The following ZNF114 variants were observed in gnomAD, a reference collection of about 807,000 sequenced individuals.
The protein encoded by ZNF114 is zinc finger protein 114 (Y18).
In ZNF114, 8 loss-of-function variants were observed where a neutral mutation model predicts 6.8. The observed-to-expected ratio is 1.18, with a 90% confidence interval of 0.69 to 2.13. The LOEUF (loss-of-function observed/expected upper bound fraction) is 2.13. Among genes scored for constraint, ZNF114 ranks in the 30% most tolerant of loss-of-function variants. The probability of loss-of-function intolerance (pLI) is 0.00; values close to 1 mark genes in which losing one functional copy is unlikely to be tolerated. For synonymous variants in ZNF114, 169 were observed against 185.5 expected (o/e 0.91, Z 0.72); for missense variants, 472 against 519.5 (o/e 0.91, Z 0.89).
In ZNF114 at chr19:48,286,058, C is replaced by G; in HGVS notation, c.434C>G (p.Ser145Cys). Reference protein sequence around the residue: ...TCRLVPSQGDSIRQCILTRDS... With the variant: ...TCRLVPSQGDCIRQCILTRDS... ...AGGCTTGTGCCTTCACAGGGAGATT[C>G]CATAAGACAATGTATCCTAACACGT... The change falls in exon 6 of 6, where the codon TCC (serine) becomes TGC (cysteine). Residue 145 changes from serine (S) to cysteine (C), a missense_variant. Transcript: ENST00000595607. 1 of 1,613,998 alleles carries G rather than the reference C, an allele frequency of 6.2e-7. No individual in the cohort carries two copies. The highest frequency in any genetic ancestry group is 2.2e-5 in the East Asian group (1 of 44,890).
chr19:48,282,928 C>T (rs1968029931), intron 5 of ZNF114, among the ~76,000 whole-genome samples: 1 of 152,020 alleles, frequency 6.6e-6, no homozygotes, highest in African/African-American at 2.4e-5. Flanking sequence ...GTTGGCTAGG[C>T]TTGTCTTGAA....
chr19:48,275,419 AACACACAC>A (rs58275965), intron 3 of ZNF114, among the ~76,000 whole-genome samples: 24 of 133,198 alleles, frequency 1.8e-4, no homozygotes, highest in South Asian at 1.5e-3. Flanking sequence ...TCTCTACTAA[AACACACAC>A]ACACACACAC....
intron 5 of ZNF114, among the ~76,000 whole-genome samples, chr19:48,284,416 AT>A (rs34430413): frequency 0.034 from 5,075 of 151,094 alleles, 162 homozygotes; most frequent in Middle Eastern, 0.13. Flanking sequence ...TTTAAAAACA[AT>A]TTTTTTTTAA....
chr19:48,272,494 TGAGGCAG>T (rs1029692784), intron 3 of ZNF114, among the ~76,000 whole-genome samples: 12 of 149,050 alleles, frequency 8.1e-5, no homozygotes, highest in Non-Finnish European at 1.6e-4. Flanking sequence ...CACGGGAGGC[TGAGGCAG>T]GAGAATCGCT....
intron 3 of ZNF114, among the ~76,000 whole-genome samples, chr19:48,277,724 G>T (rs184601642): frequency 3.3e-5 from 5 of 151,098 alleles, no homozygotes; most frequent in Admixed American, 3.3e-4. Flanking sequence ...GTTTCCGAGG[G>T]TGTTCATTGC....
chr19:48,277,530 C>A (rs1268281586), intron 3 of ZNF114, among the ~76,000 whole-genome samples: 1 of 151,964 alleles, frequency 6.6e-6, no homozygotes, highest in Non-Finnish European at 1.5e-5. Context: ...TCATTATGAG[C>A]GCAGGTATTT....
chr19:48,281,898 T>G (rs1325252165), intron 4 of ZNF114, among the ~76,000 whole-genome samples: 2 of 130,730 alleles, frequency 1.5e-5, no homozygotes, highest in African/African-American at 6.4e-5. Context: ...CCTCATCTTT[T>G]TTTTTTTTTT....
chr19:48,278,336 C>T (rs1419967682), intron 3 of ZNF114, among the ~76,000 whole-genome samples: 1 of 152,214 alleles, frequency 6.6e-6, no homozygotes, highest in African/African-American at 2.4e-5. Context: ...CTGAAAGAAG[C>T]CCTGTATCCT....
At chr19:48,284,782 T>C (rs762950402) in intron 5 of ZNF114, among the ~76,000 whole-genome samples, 10 of 152,162 alleles carry the variant, frequency 6.6e-5, no homozygotes, top group Non-Finnish European at 1.5e-4. Flanking sequence ...CATTTTTCCC[T>C]GCTAAAGGCC....
At chr19:48,281,683 C>G (rs887695894) in intron 4 of ZNF114, 13 of 151,024 alleles carry the variant, frequency 8.6e-5, no homozygotes, top group African/African-American at 3.2e-4. Context: ...CCCGCCCACA[C>G]TCACGGGTAA....
Position 48,283,205 on chromosome 19 carries a change from C to T in ZNF114, c.136+708C>T, listed in dbSNP as rs962431854. On this transcript the variant is annotated intron_variant, in intron 5 of 5. Transcript: ENST00000595607. ...TAATGCATTACATTTTTATTCTCTT[C>T]GTGATTGAACAGAATTTGGGGGATC... Among the ~76,000 whole-genome samples, 8 of 152,176 alleles carry T rather than the reference C, an allele frequency of 5.3e-5. No homozygotes were observed. In the South Asian group the frequency reaches 1.0e-3, roughly 20 times the overall value.
Position 48,286,458 on chromosome 19 carries a change from T to C in ZNF114, c.834T>C (p.Asp278=), listed in dbSNP as rs1968133473. The C allele has an allele frequency of 1.2e-6, 2 of 1,614,150 alleles. No individual in the cohort carries two copies. The highest frequency in any genetic ancestry group is 1.7e-6 in the Non-Finnish European group (2 of 1,180,034). The change falls in exon 6 of 6, where the codon GAT becomes GAC. Residue 278 remains aspartate (D), a synonymous_variant. Transcript: ENST00000595607. ...ATACCGCAGAGACAAACAAGAAGGA[T>C]TGTCAAACTGGGGCAACCTCTGCCA... ...QLYTAETNKK[D]CQTGATSANA...
At chr19:48,277,613 T>C (rs2147286958) in intron 3 of ZNF114, among the ~76,000 whole-genome samples, 1 of 152,324 alleles carries the variant, frequency 6.6e-6, no homozygotes, top group African/African-American at 2.4e-5. Flanking sequence ...GGGAGACGTT[T>C]CCAGCCGCTG....
rs1273957529 is a variant in ZNF114, at chr19:48,286,015, C to G, written c.391C>G (p.His131Asp). The change falls in exon 6 of 6, where the codon CAC becomes GAC. Residue 131 changes from histidine (H) to aspartate (D), a missense_variant. Physicochemically the swap from His to Asp is moderately conservative, Grantham distance 81 (BLOSUM62 -1). Transcript: ENST00000595607. ...TTGTGAAGATCATGAAATGAGGAACCACTCTAAACCTACCTGCAGGCTTGT... is the reference window on the plus strand; with the variant it reads ...TTGTGAAGATCATGAAATGAGGAACGACTCTAAACCTACCTGCAGGCTTGT... ...SICEDHEMRNHSKPTCRLVPS... is the reference protein window; with the variant it reads ...SICEDHEMRNDSKPTCRLVPS... 1.2e-6 allele frequency: 2 copies of G among 1,613,760 alleles called. No homozygotes were observed. The highest frequency in any genetic ancestry group is 2.7e-5 in the African/African-American group (2 of 74,912).
chr19:48,276,161 C>A (rs1273903656), intron 3 of ZNF114, among the ~76,000 whole-genome samples: 2 of 145,588 alleles, frequency 1.4e-5, no homozygotes, highest in Admixed American at 1.4e-4. Flanking sequence ...CTCACCGCAA[C>A]CTCCGCCTCC....
At chr19:48,277,644 T>G (rs34994692) in intron 3 of ZNF114, among the ~76,000 whole-genome samples, 30,571 of 152,214 alleles carry the variant, frequency 0.2, 3,506 homozygotes, top group Non-Finnish European at 0.25. Context: ...TAACGCGGTC[T>G]AGGGCAGCTC....
chr19:48,279,384 C>A (rs1967928142), intron 3 of ZNF114, among the ~76,000 whole-genome samples: 1 of 135,862 alleles, frequency 7.4e-6, no homozygotes, highest in African/African-American at 2.8e-5. Context: ...GGCAACAGGA[C>A]AAGTCTCTGT....
chr19:48,275,301 G>T (rs544137014), intron 3 of ZNF114, among the ~76,000 whole-genome samples: 163 of 150,644 alleles, frequency 1.1e-3, no homozygotes, highest in Non-Finnish European at 2.1e-3. Context: ...AACATCCTAG[G>T]TTGGTCAGGC....
rs57823987 is a variant in ZNF114, at chr19:48,272,673, C to CAAAAAAAAAAAAAAAAAAAAAA, written c.-70+849_-70+870dup. ...TGGGCGACAGAGCAAGACTCTCTCT[C>CAAAAAAAAAAAAAAAAAAAAAA]AAAAAAAAAAAAAAAAAAAAAAAAA... On this transcript the variant is annotated intron_variant, in intron 3 of 5. Coordinates refer to ENST00000595607, the MANE Select transcript of ZNF114 (RefSeq NM_153608.4). Among the ~76,000 whole-genome samples, 26 of 39,228 alleles carry CAAAAAAAAAAAAAAAAAAAAAA rather than the reference C, an allele frequency of 6.6e-4. 3 individuals carry two copies. Among genetic ancestry groups the CAAAAAAAAAAAAAAAAAAAAAA allele is most frequent in the Non-Finnish European group, 5.9e-4 (14 of 23,872 alleles). 25.7% of individuals were successfully genotyped at this position (39,228 alleles called of 152,430 possible). A position where few individuals can be genotyped will look rare whatever the true frequency, so the allele number is the denominator to read the frequency against.
Sources: gnomAD v4.1 joint callset for allele counts (sites outside exome capture counted in the v4.1 genomes callset) on GRCh38, gnomAD v4.1.1 for gene constraint, MANE v1.5 for transcripts, NCBI Gene and HGNC (gene_info 2026-07-23, HGNC 2026-07-21) for gene names.